POLA2: variants seen among roughly 807,000 people sequenced by gnomAD.
The protein encoded by POLA2 is DNA polymerase alpha 2, accessory subunit.
In POLA2, 47 loss-of-function variants were observed where a neutral mutation model predicts 82.8. The ratio of observed to expected loss-of-function variants is 0.57; its 90% confidence interval spans 0.45 to 0.72. POLA2 has a LOEUF of 0.72. POLA2 is among the 30% of genes least tolerant of loss of function. The pLI is 0.00. For missense variants in POLA2, 634 were observed against 728.1 expected (o/e 0.87, Z 1.49); for synonymous variants, 287 against 286.8 (o/e 1.00, Z -0.01).
At chr11:65,269,703 CTAAA>C (rs1449499627) in intron 4 of POLA2, among the ~76,000 whole-genome samples, 3 of 152,302 alleles carry the variant, frequency 2.0e-5, no homozygotes, top group African/African-American at 4.8e-5. Flanking sequence ...TTTATACTAA[CTAAA>C]TAAGTTTGTA....
chr11:65,274,853 C>T (rs550912840), intron 4 of POLA2, among the ~76,000 whole-genome samples: 84 of 152,146 alleles, frequency 5.5e-4, no homozygotes, highest in African/African-American at 1.9e-3. Context: ...TAAGGCACCA[C>T]GCCTGGCTTT....
In POLA2 at chr11:65,282,399, C is replaced by A. The variant is rs973188791; in HGVS notation, c.964-80C>A. The A allele has an allele frequency of 9.1e-6, 11 of 1,206,864 alleles. No homozygotes were observed. The African/African-American group carries it at 1.6e-4, about 18-fold the overall frequency. The allele number at this position is 1,206,864 out of a possible 1,614,324, so 74.8% of individuals were successfully genotyped here. On this transcript the variant is annotated intron_variant, in intron 9 of 17. Coordinates refer to ENST00000265465, the MANE Select transcript of POLA2 (RefSeq NM_002689.4). ...CCTCCCATCACACACCTGCACCACC[C>A]CCAACCTGGTGCCCTCCCCTTTCCT...
intron 11 of POLA2, among the ~76,000 whole-genome samples, chr11:65,288,088 T>G (rs901766658): frequency 2.0e-5 from 3 of 152,096 alleles, no homozygotes; most frequent in African/African-American, 7.2e-5. Context: ...TGTGGATCAC[T>G]TGAGGGCAGG....
chr11:65,295,957 C>T lies in POLA2; in HGVS notation c.1614C>T (p.Leu538=). The part of the protein sequence containing the change: ...YAQLPVTPDV[L]IIPSELRYFV... ...AGCTGCCTGTCACCCCAGATGTCCT[C>T]ATCATCCCGTCAGAGCTGAGGTACT... Residue 538 remains leucine (L), a synonymous_variant, in exon 17 of 18, where the codon CTC becomes CTT. Coordinates refer to ENST00000265465, the MANE Select transcript of POLA2 (RefSeq NM_002689.4). 6.2e-7 allele frequency: 1 copy of T among 1,614,198 alleles called. No homozygotes were observed. Among genetic ancestry groups the T allele is most frequent in the Non-Finnish European group, 8.5e-7 (1 of 1,180,010 alleles).
At chr11:65,279,056 C>T in intron 6 of POLA2, 133 bp downstream of exon 6, 2 of 694,662 alleles carry the variant, frequency 2.9e-6, no homozygotes, top group Middle Eastern at 4.1e-4. Flanking sequence ...TAGATGTCCT[C>T]ATGGAAGCCC....
Position 65,297,104 on chromosome 11 carries a change from C to G in POLA2, c.1648-16C>G. ...TTGAGGCTCTCCAAACCTGTCACCTCTCCTCTCCTCCCCAGGATGTCCTCG... is the reference window on the plus strand; with the variant it reads ...TTGAGGCTCTCCAAACCTGTCACCTGTCCTCTCCTCCCCAGGATGTCCTCG... On this transcript the variant is annotated splice_polypyrimidine_tract_variant and intron_variant, in intron 17 of 17. Coordinates refer to ENST00000265465, the MANE Select transcript of POLA2 (RefSeq NM_002689.4). The G allele has an allele frequency of 2.5e-6, 4 of 1,613,828 alleles. No homozygotes were observed. The highest frequency in any genetic ancestry group is 3.4e-6 in the Non-Finnish European group (4 of 1,179,870).
intron 7 of POLA2, chr11:65,280,650 A>T: frequency 3.6e-6 from 1 of 275,094 alleles, no homozygotes; most frequent in South Asian, 5.3e-5. Flanking sequence ...ATTATTAAGT[A>T]GTTATAGCTG....
intron 1 of POLA2, among the ~76,000 whole-genome samples, chr11:65,263,256 A>G (rs1299678002): frequency 2.1e-4 from 8 of 38,320 alleles, no homozygotes; most frequent in African/African-American, 1.1e-4. Flanking sequence ...GTCTTGTTTT[A>G]TCACCCAGGC....
chr11:65,300,426 C>A (rs1949853521), downstream of POLA2, among the ~76,000 whole-genome samples: 1 of 149,574 alleles, frequency 6.7e-6, no homozygotes, highest in Non-Finnish European at 1.5e-5. Flanking sequence ...AAACTCCTGA[C>A]CTCAGGGTTC....
chr11:65,289,937 GAAACTGA>G, intron 13 of POLA2, 65 bp downstream of exon 13: 1 of 1,044,774 alleles, frequency 9.6e-7, no homozygotes, highest in Non-Finnish European at 1.5e-6. Context: ...TTCCCATTAA[GAAACTGA>G]AACTGCTTAA....
intron 10 of POLA2, among the ~76,000 whole-genome samples, chr11:65,286,341 GCCCA>G (rs1352122927): frequency 6.6e-6 from 1 of 152,050 alleles, no homozygotes; most frequent in East Asian, 1.9e-4. Context: ...ACTCAGCCCT[GCCCA>G]CACCTTCAGT....
At chr11:65,296,169 C>T (rs1353772401) in intron 17 of POLA2, 179 bp downstream of exon 17, 5 of 653,576 alleles carry the variant, frequency 7.7e-6, no homozygotes, top group South Asian at 1.8e-5. Context: ...ACAACTCTGT[C>T]AGTAAAATGC....
At chr11:65,290,921 G>T (rs1210234996) in intron 13 of POLA2, among the ~76,000 whole-genome samples, 1 of 152,230 alleles carries the variant, frequency 6.6e-6, no homozygotes, top group Non-Finnish European at 1.5e-5. Context: ...GGCTACAGCT[G>T]GTGGTGATAG....
At chr11:65,296,242 C>T in intron 17 of POLA2, 1 of 418,772 alleles carries the variant, frequency 2.4e-6, no homozygotes, top group Non-Finnish European at 4.5e-6. Flanking sequence ...ACTAGGAAGG[C>T]CCTCAAATGA....
intron 8 of POLA2, 86 bp from the exon 9 acceptor site, chr11:65,281,584 C>A: frequency 2.1e-6 from 2 of 961,784 alleles, no homozygotes; most frequent in Non-Finnish European, 3.4e-6. Flanking sequence ...AGTAGTTGGA[C>A]AATGCTTTTA....
At chr11:65,303,724 C>T (rs1009906783) in intron 8 of POLA2, among the ~76,000 whole-genome samples, 5 of 152,164 alleles carry the variant, frequency 3.3e-5, no homozygotes, top group African/African-American at 9.7e-5. Context: ...GTGCTTGGCA[C>T]ATAGTAGGCC....
intron 5 of POLA2, among the ~76,000 whole-genome samples, chr11:65,276,940 G>A (rs1427804607): frequency 6.6e-6 from 1 of 151,802 alleles, no homozygotes; most frequent in African/African-American, 2.4e-5. Context: ...ACAGGCGCTC[G>A]CCACCATGCC....
Position 65,278,868 on chromosome 11 carries a change from G to C in POLA2, c.600G>C (p.Glu200Asp). ...GCCTGAAGGTCTTGGGATGTCCAGA[G>C]GCACTAACTGGGAGCTACAAATCCA... ...NISLKVLGCP[E>D]ALTGSYKSMF... The change falls in exon 6 of 18, where the codon GAG becomes GAC. Residue 200 changes from glutamate (E) to aspartate (D), a missense_variant. Glu to Asp is a conservative substitution (Grantham distance 45). Transcript: ENST00000265465. The C allele has an allele frequency of 6.2e-7, 1 of 1,613,804 alleles. No individual in the cohort carries two copies.
In POLA2 at chr11:65,279,552, A is replaced by G. The variant is rs1054818773; in HGVS notation, c.670A>G (p.Ile224Val). The G allele has an allele frequency of 2.0e-5, 32 of 1,612,474 alleles. No individual in the cohort carries two copies. The highest frequency in any genetic ancestry group is 2.6e-5 in the Non-Finnish European group (31 of 1,178,774). Residue 224 changes from isoleucine (I) to valine (V), a missense_variant, in exon 7 of 18, where the codon ATA (isoleucine) becomes GTA (valine). Physicochemically the swap from Ile to Val is conservative, Grantham distance 29. Transcript: ENST00000265465. ...TGGGATTGTAGTTCTGACCTGTAAG[A>G]TAGAAGAACTTGGCAGCGAACTCAA... ...PDIREVLTCK[I>V]EELGSELKEH...
Sources: allele counts gnomAD v4.1 joint callset (sites outside exome capture counted in the v4.1 genomes callset), GRCh38; gene constraint gnomAD v4.1.1; transcripts MANE v1.5; gene names NCBI Gene and HGNC (gene_info 2026-07-23, HGNC 2026-07-21).